The following AVEN variants were observed in gnomAD, a reference collection of about 807,000 sequenced individuals.
AVEN encodes cell death regulator Aven.
Under a neutral mutation model 38.1 loss-of-function variants are expected in AVEN, and 41 were observed. The observed-to-expected ratio is 1.08, with a 90% confidence interval of 0.84 to 1.40. AVEN has a LOEUF of 1.40. Ranked by LOEUF, AVEN falls within the 40% of genes most tolerant of loss-of-function variation. The pLI is 0.00. For synonymous variants in AVEN, 206 were observed against 171.8 expected (o/e 1.20, Z -1.56); for missense variants, 605 against 438.8 (o/e 1.38, Z -3.38).
At chr15:33,856,561 C>G (rs1192560219), downstream of AVEN, 1 of 152,276 alleles carries the variant, frequency 6.6e-6, no homozygotes, top group Non-Finnish European at 1.5e-5. Flanking sequence ...CTTAGAGTAA[C>G]TTCAAAGTTG....
intron 5 of AVEN, among the ~76,000 whole-genome samples, chr15:34,053,524 A>G (rs1900022483): frequency 6.6e-6 from 1 of 151,780 alleles, no homozygotes; most frequent in Admixed American, 6.6e-5. Context: ...AAATAAAACT[A>G]CACATCTACA....
chr15:33,939,685 G>A (rs1286572125), intron 2 of AVEN, among the ~76,000 whole-genome samples: 5 of 152,118 alleles, frequency 3.3e-5, no homozygotes, highest in East Asian at 1.9e-4. Context: ...ATTGCTAAAC[G>A]TTGCTACAGC....
chr15:33,982,749 T>C (rs1896209816), intron 2 of AVEN, among the ~76,000 whole-genome samples: 2 of 151,594 alleles, frequency 1.3e-5, no homozygotes, highest in Non-Finnish European at 1.5e-5. Flanking sequence ...ACCATGATGC[T>C]TTCCCCATGA....
intron 2 of AVEN, chr15:33,883,762 T>C (rs1287680889): frequency 6.6e-6 from 1 of 152,218 alleles, no homozygotes; most frequent in Non-Finnish European, 1.5e-5. Flanking sequence ...GGATTTTTCC[T>C]TTTGGAACGA....
intron 2 of AVEN, among the ~76,000 whole-genome samples, chr15:33,998,752 T>TA (rs1897030261): frequency 6.6e-6 from 1 of 152,184 alleles, no homozygotes; most frequent in Admixed American, 6.5e-5. Flanking sequence ...TCAAAACACT[T>TA]AAAGACACTA....
intron 2 of AVEN, among the ~76,000 whole-genome samples, chr15:33,945,395 T>C (rs1350268988): frequency 6.6e-6 from 1 of 152,208 alleles, no homozygotes; most frequent in Non-Finnish European, 1.5e-5. Flanking sequence ...CTACCTGGTA[T>C]GCCTTCCTCC....
rs140949296 is a variant in AVEN, at chr15:34,063,720, G to A, written n.1127-288C>T. 4 of 1,614,096 alleles carry A rather than the reference G, an allele frequency of 2.5e-6. No individual in the cohort carries two copies. The highest frequency in any genetic ancestry group is 3.4e-6 in the Non-Finnish European group (4 of 1,180,062). ...GAGTCAGGGTAAGGAAAGCCCAGGGGAAGAATTCAGTGCTGAAGAGACTGA... is the reference window on the plus strand; with the variant it reads ...GAGTCAGGGTAAGGAAAGCCCAGGGAAAGAATTCAGTGCTGAAGAGACTGA... On this transcript the variant is annotated intron_variant and non_coding_transcript_variant, in intron 4 of 11. Transcript: ENST00000675287. The surrounding 1 kb of genome is among the most constrained non-coding windows in gnomAD (Gnocchi z 4.1).
chr15:33,857,557 C>G (rs1282757200), downstream of AVEN, among the ~76,000 whole-genome samples: 1 of 152,130 alleles, frequency 6.6e-6, no homozygotes, highest in Non-Finnish European at 1.5e-5. Flanking sequence ...AACACCCCAT[C>G]ATTACTCTTT....
At chr15:34,008,006 A>C (rs924645226) in intron 1 of AVEN, among the ~76,000 whole-genome samples, 2 of 152,244 alleles carry the variant, frequency 1.3e-5, no homozygotes, top group Admixed American at 1.3e-4. Context: ...ATCTTTGATT[A>C]CATCTGCAAA....
intron 1 of AVEN, among the ~76,000 whole-genome samples, chr15:34,006,298 G>A (rs1392945561): frequency 4.7e-5 from 7 of 147,420 alleles, no homozygotes; most frequent in African/African-American, 1.0e-4. Flanking sequence ...GCAACAGAGC[G>A]AGACTCCGTC....
rs1022222743 is a variant in AVEN at position 33,904,568 on chromosome 15, C to T, written c.446-28573G>A. Among the ~76,000 whole-genome samples, 36 of 151,832 alleles carry T rather than the reference C, an allele frequency of 2.4e-4. No individual in the cohort carries two copies. In the East Asian group the frequency reaches 3.3e-3, roughly 14 times the overall value. On this transcript the variant is annotated intron_variant, in intron 2 of 5. Transcript: ENST00000306730. ...CTGGGATTACAGGTGCCCGCCACCA[C>T]GCCTGGCTAATTTTTTGTATTTTTA...
At chr15:33,936,334 C>T (rs1894058912) in intron 2 of AVEN, among the ~76,000 whole-genome samples, 1 of 152,216 alleles carries the variant, frequency 6.6e-6, no homozygotes, top group South Asian at 2.1e-4. Context: ...ACTAAGGTTA[C>T]TGGATCAGAT....
chr15:33,943,823 TAA>T (rs71119905), intron 2 of AVEN, among the ~76,000 whole-genome samples: 2,153 of 88,860 alleles, frequency 0.024, 36 homozygotes, highest in African/African-American at 0.052. Context: ...ACTCCGTCTT[TAA>T]AAAAAAAAAA....
intron 2 of AVEN, chr15:33,968,913 A>G (rs1181129016): frequency 6.6e-6 from 1 of 152,126 alleles, no homozygotes; most frequent in African/African-American, 2.4e-5. Flanking sequence ...GTTACCAGAT[A>G]AAGGCAAAAC....
chr15:34,031,076 GA>G (rs1293042853), intron 1 of AVEN, among the ~76,000 whole-genome samples: 1 of 150,622 alleles, frequency 6.6e-6, no homozygotes, highest in African/African-American at 2.4e-5. Flanking sequence ...TACAAAAATA[GA>G]GGAATCACAA....
downstream of AVEN, chr15:33,855,970 G>A (rs1038606822): frequency 9.2e-5 from 14 of 152,106 alleles, no homozygotes; most frequent in African/African-American, 3.4e-4. Flanking sequence ...ACCTTTGTAC[G>A]GGAGAGGGAG....
At chr15:33,956,187 C>T (rs77601157) in intron 2 of AVEN, among the ~76,000 whole-genome samples, 1,676 of 152,200 alleles carry the variant, frequency 0.011, 19 homozygotes, top group African/African-American at 0.031. Context: ...CGCCAGCTGT[C>T]GCTCCTTGCT....
chr15:33,854,731 A>C (rs949867648), downstream of AVEN: 5 of 1,577,612 alleles, frequency 3.2e-6, no homozygotes, highest in African/African-American at 5.5e-5. Context: ...CTATGAGGCA[A>C]ACATGCTTAA....
intron 2 of AVEN, among the ~76,000 whole-genome samples, chr15:33,915,415 G>A (rs1481639435): frequency 6.6e-6 from 1 of 152,174 alleles, no homozygotes; most frequent in Non-Finnish European, 1.5e-5. Context: ...GGAACATGAA[G>A]GTCCAGATCA....
Sources: gnomAD v4.1 joint callset for allele counts (sites outside exome capture counted in the v4.1 genomes callset) on GRCh38, gnomAD v4.1.1 for gene constraint, Gnocchi (gnomAD v3.1) non-coding constraint, MANE v1.5 for transcripts, NCBI Gene and HGNC (gene_info 2026-07-23, HGNC 2026-07-21) for gene names.